The following IFI6 variants were observed in gnomAD, a reference collection of about 807,000 sequenced individuals.
IFI6 encodes interferon alpha-inducible protein 6.
IFI6 carries 10 observed loss-of-function variants against 12.7 expected under a neutral mutation model. The ratio of observed to expected loss-of-function variants is 0.79; its 90% CI spans 0.49 to 1.33. The LOEUF (loss-of-function observed/expected upper bound fraction) is 1.33. Among genes scored for constraint, IFI6 ranks in the 40% most tolerant of loss-of-function variants. The pLI, the probability that IFI6 is intolerant of heterozygous loss-of-function variation, is 0.00. For synonymous variants in IFI6, 89 were observed against 86.2 expected (o/e 1.03, Z -0.18); for missense variants, 154 against 180.4 (o/e 0.85, Z 0.84).
intron 1 of IFI6, among the ~76,000 whole-genome samples, chr1:27,671,238 G>C (rs1427779115): frequency 6.6e-6 from 1 of 152,158 alleles, no homozygotes; most frequent in Admixed American, 6.6e-5. Flanking sequence ...ACACCACGAA[G>C]TAGGTACCAT....
chr1:27,667,240 CAAAAAAA>C (rs761365595), intron 4 of IFI6, among the ~76,000 whole-genome samples: 1 of 12,268 alleles, frequency 8.2e-5, no homozygotes, highest in Non-Finnish European at 2.2e-4. Flanking sequence ...CCCGTCTCTA[CAAAAAAA>C]AAAAAAAAAA....
In IFI6 at chr1:27,666,256, C is replaced by T. The variant is rs1409009159; in HGVS notation, c.*125G>A. ...TTCGCATCTGTGAATAGCCACTGCA[C>T]TCTAGCCTGGACAATATAGTGAGAA... On this transcript the variant is annotated 3_prime_UTR_variant, in exon 5 of 5. Coordinates refer to ENST00000361157, the MANE Select transcript of IFI6 (RefSeq NM_002038.4). 2 of 594,896 alleles carry T rather than the reference C, an allele frequency of 3.4e-6. No homozygotes were observed. Among genetic ancestry groups the T allele is most frequent in the Non-Finnish European group, 5.6e-6 (2 of 359,814 alleles). The allele number at this position is 594,896 out of a possible 1,614,324, so 36.9% of individuals were successfully genotyped here.
In IFI6 at chr1:27,668,817, G is replaced by A. The variant is rs144331226; in HGVS notation, c.71-282C>T. ...CGCTGTCCATTGGAATGGACGCCAG[G>A]GTCTCTACAGAAGCACGCCAGACCC... On this transcript the variant is annotated intron_variant, in intron 2 of 4. Coordinates refer to ENST00000361157, the MANE Select transcript of IFI6 (RefSeq NM_002038.4). Among the ~76,000 whole-genome samples the A allele has an allele frequency of 2.9e-3, 436 of 151,998 alleles. 3 individuals are homozygous for A. Among genetic ancestry groups the A allele is most frequent in the African/African-American group, 9.5e-3 (393 of 41,444 alleles).
intron 4 of IFI6, among the ~76,000 whole-genome samples, chr1:27,666,978 G>A (rs2148543409): frequency 6.7e-6 from 1 of 149,008 alleles, no homozygotes; most frequent in East Asian, 2.0e-4. Flanking sequence ...GAGAAGATGC[G>A]AGGTTCAGAA....
At chr1:27,669,139 G>A (rs2090383523) in intron 2 of IFI6, 106 bp downstream of exon 2, 4 of 1,284,286 alleles carry the variant, frequency 3.1e-6, no homozygotes, top group Admixed American at 2.0e-5. Context: ...ATCCTTACCC[G>A]CATCTTTACC....
At position 27,669,298 on chromosome 1, in the gene IFI6, A is replaced by ACCGCCTTCT. The variant is rs778141960; in HGVS notation, c.8_16dup (p.Ala5_Val6insGluLysAla). On this transcript the variant is annotated inframe_insertion, in exon 2 of 5. Transcript: ENST00000361157. ...CAGCAGGTAGCACAAGAAAAGCGAT[A>ACCGCCTTCT]CCGCCTTCTGCCGCATGGTGGCGCC... The ACCGCCTTCT allele has an allele frequency of 6.4e-7, 1 of 1,552,668 alleles. No individual in the cohort carries two copies. Among genetic ancestry groups the ACCGCCTTCT allele is most frequent in the South Asian group, 1.2e-5 (1 of 84,146 alleles).
At chr1:27,669,027 A>C (rs2090380911) in intron 2 of IFI6, among the ~76,000 whole-genome samples, 1 of 146,982 alleles carries the variant, frequency 6.8e-6, no homozygotes, top group African/African-American at 2.5e-5. Flanking sequence ...CCGCACCCTT[A>C]CCTGCATCCT....
chr1:27,669,399 G>T, intron 1 of IFI6, 53 bp from the exon 2 acceptor site: 2 of 1,130,206 alleles, frequency 1.8e-6, no homozygotes, highest in Non-Finnish European at 1.3e-6. Flanking sequence ...GAGCTCATCA[G>T]CTCCGTTGTT....
At position 27,669,322 on chromosome 1, in the gene IFI6, C is replaced by A. The variant is rs2090386401; in HGVS notation, c.-8G>T. ...TACCGCCTTCTGCCGCATGGTGGCGCCGCGCGCGGGCTCCGTCACTAGACC... is the reference window on the plus strand; with the variant it reads ...TACCGCCTTCTGCCGCATGGTGGCGACGCGCGCGGGCTCCGTCACTAGACC... On this transcript the variant is annotated 5_prime_UTR_variant, in exon 2 of 5. Transcript: ENST00000361157. 1.3e-6 allele frequency: 2 copies of A among 1,552,702 alleles called. No individual in the cohort carries two copies. Among genetic ancestry groups the A allele is most frequent in the East Asian group, 4.9e-5 (2 of 41,058 alleles).
At chr1:27,669,571 C>T (rs2090388817) in intron 1 of IFI6, 2 of 490,184 alleles carry the variant, frequency 4.1e-6, no homozygotes, top group Non-Finnish European at 3.8e-6. Flanking sequence ...CGGATTCGCA[C>T]GGTGTTTGGC....
chr1:27,669,484 GC>G, intron 1 of IFI6, 138 bp from the exon 2 acceptor site: 1 of 602,594 alleles, frequency 1.7e-6, no homozygotes, highest in Non-Finnish European at 3.0e-6. Context: ...CCTCTCAGGA[GC>G]CTCGGGAATC....
At chr1:27,670,714 T>TACAA (rs750441037) in intron 1 of IFI6, among the ~76,000 whole-genome samples, 58 of 152,234 alleles carry the variant, frequency 3.8e-4, no homozygotes, top group Non-Finnish European at 7.5e-4. Flanking sequence ...GACCTCCTTG[T>TACAA]ATTCGGCTAT....
intron 2 of IFI6, 140 bp from the exon 3 acceptor site, chr1:27,668,675 G>T: frequency 1.5e-6 from 1 of 666,826 alleles, no homozygotes; most frequent in Non-Finnish European, 2.6e-6. Context: ...GAGGGGAAGG[G>T]ACTTTCCCCT....
Position 27,669,262 on chromosome 1 carries a change from CAAGTG to C in IFI6, c.48_52del (p.Phe16LeufsTer8). The C allele has an allele frequency of 6.4e-7, 1 of 1,552,024 alleles. No homozygotes were observed. Among genetic ancestry groups the C allele is most frequent in the South Asian group, 1.2e-5 (1 of 84,076 alleles). On this transcript the variant is annotated frameshift_variant, in exon 2 of 5. Transcript: ENST00000361157. LOFTEE classifies it high-confidence loss of function. ...ATTCTCACCTGCCTCCACCCCACTG[CAAGTG>C]AAGAGCAGCAGGTAGCACAAGAAAA...
chr1:27,668,795 T>C (rs1390103423), intron 2 of IFI6, among the ~76,000 whole-genome samples: 1 of 152,066 alleles, frequency 6.6e-6, no homozygotes, highest in Non-Finnish European at 1.5e-5. Context: ...AACCCTGCGC[T>C]GTCCATTGGA....
In IFI6 at chr1:27,666,314, G is replaced by T; in HGVS notation, c.*67C>A. 2.2e-6 allele frequency: 1 copy of T among 449,314 alleles called. No individual in the cohort carries two copies. The highest frequency in any genetic ancestry group is 3.7e-6 in the Non-Finnish European group (1 of 273,414). 27.8% of individuals were successfully genotyped at this position (449,314 alleles called of 1,614,324 possible). A position where few individuals can be genotyped will look rare whatever the true frequency, so the allele number is the denominator to read the frequency against. ...CAAAAAAAAAAAAAAAAAAAAAAAG[G>T]CAAAGTTCTAGATCCTAACTGGAAG... On this transcript the variant is annotated 3_prime_UTR_variant, in exon 5 of 5. Coordinates refer to ENST00000361157, the MANE Select transcript of IFI6 (RefSeq NM_002038.4).
At position 27,666,566 on chromosome 1, in the gene IFI6, T is replaced by C. The variant is rs940749200; in HGVS notation, c.299-91A>G. On this transcript the variant is annotated intron_variant, in intron 4 of 4. Transcript: ENST00000361157. ...AAACCATTGGTTGAGTCCAACCCCT[T>C]ATGTCTAGATGGAGAAACAGAGGCC... 2.2e-5 allele frequency: 18 copies of C among 825,650 alleles called. No homozygotes were observed. The Admixed American group carries it at 2.7e-4, about 13-fold the overall frequency. The allele number at this position is 825,650 out of a possible 1,614,324, so 51.1% of individuals were successfully genotyped here.
At chr1:27,669,130 T>C (rs1186720964) in intron 2 of IFI6, 115 bp downstream of exon 2, 32 of 1,213,796 alleles carry the variant, frequency 2.6e-5, no homozygotes, top group Admixed American at 6.0e-5. Context: ...CTTACCTGCA[T>C]CCTTACCCGC....
intron 4 of IFI6, among the ~76,000 whole-genome samples, chr1:27,667,291 C>T (rs2090359731): frequency 6.7e-6 from 1 of 149,790 alleles, no homozygotes; most frequent in African/African-American, 2.5e-5. Flanking sequence ...CGGTATGCGC[C>T]TATAGTCCCA....
Sources: gnomAD v4.1 joint callset for allele counts (sites outside exome capture counted in the v4.1 genomes callset) on GRCh38, gnomAD v4.1.1 for gene constraint, MANE v1.5 for transcripts, NCBI Gene and HGNC (gene_info 2026-07-23, HGNC 2026-07-21) for gene names.